The following MTHFD1L variants were observed in gnomAD, a reference collection of about 807,000 sequenced individuals.
MTHFD1L encodes the protein methylenetetrahydrofolate dehydrogenase (NADP+ dependent) 1 like, also known as monofunctional C1-tetrahydrofolate synthase, mitochondrial.
Under a neutral mutation model 119.5 loss-of-function variants are expected in MTHFD1L, and 81 were observed. The ratio of observed to expected loss-of-function variants is 0.68; its 90% CI spans 0.57 to 0.82. The LOEUF (loss-of-function observed/expected upper bound fraction) is 0.82, where lower values mean the gene tolerates loss of function less well. Among genes scored for constraint, MTHFD1L ranks in the 40% least tolerant of loss-of-function variants. The probability of loss-of-function intolerance (pLI) is 0.00; values close to 1 mark genes in which losing one functional copy is unlikely to be tolerated. For synonymous variants in MTHFD1L, 430 were observed against 475.2 expected (o/e 0.90, Z 1.24); for missense variants, 1,125 against 1,253.4 (o/e 0.90, Z 1.55).
At chr6:150,866,094 G>A (rs1244651556) in intron 1 of MTHFD1L, 45 bp downstream of exon 1, 3 of 1,478,598 alleles carry the variant, frequency 2.0e-6, no homozygotes, top group South Asian at 1.3e-5. Context: ...AGCGGCTGTG[G>A]CCCCGACCCA....
intron 21 of MTHFD1L, among the ~76,000 whole-genome samples, chr6:151,012,768 C>T (rs943025047): frequency 1.3e-5 from 2 of 152,156 alleles, no homozygotes; most frequent in Non-Finnish European, 2.9e-5. Flanking sequence ...CACATGATTA[C>T]AGAAGCTGGC....
intron 20 of MTHFD1L, among the ~76,000 whole-genome samples, chr6:150,979,078 G>A (rs34344387): frequency 0.45 from 67,779 of 151,528 alleles, 17,346 homozygotes; most frequent in African/African-American, 0.67. Flanking sequence ...TGTCTCTGCT[G>A]AAAATACAAA....
chr6:150,937,865 T>G (rs906328277), intron 12 of MTHFD1L, among the ~76,000 whole-genome samples: 2 of 152,216 alleles, frequency 1.3e-5, no homozygotes, highest in African/African-American at 4.8e-5. Flanking sequence ...ATGGGCGGTG[T>G]TGTTCTGCTT....
At chr6:151,017,213 C>G (rs1783218315) in intron 24 of MTHFD1L, among the ~76,000 whole-genome samples, 1 of 152,192 alleles carries the variant, frequency 6.6e-6, no homozygotes, top group Admixed American at 6.5e-5. Flanking sequence ...TCCCTACAGT[C>G]CCTGCCAGCT....
chr6:150,874,233 C>T (rs1486782000), intron 1 of MTHFD1L, among the ~76,000 whole-genome samples: 1 of 152,156 alleles, frequency 6.6e-6, no homozygotes, highest in East Asian at 1.9e-4. Context: ...ACAATTAATT[C>T]CCTGGGAATG....
chr6:151,076,086 A>G (rs11966517), intron 26 of MTHFD1L, among the ~76,000 whole-genome samples: 3,317 of 152,324 alleles, frequency 0.022, 138 homozygotes, highest in African/African-American at 0.075. Context: ...AAAAAGATTG[A>G]CCAGCTAAGC....
At chr6:150,955,402 T>C (rs1266313297) in intron 16 of MTHFD1L, among the ~76,000 whole-genome samples, 1 of 152,150 alleles carries the variant, frequency 6.6e-6, no homozygotes, top group African/African-American at 2.4e-5. Flanking sequence ...TTGACTATTT[T>C]GAATAGTGCT....
intron 24 of MTHFD1L, among the ~76,000 whole-genome samples, chr6:151,029,287 G>C (rs1584219332): frequency 6.6e-6 from 1 of 151,580 alleles, no homozygotes; most frequent in East Asian, 2.0e-4. Flanking sequence ...CAGGCGTGGT[G>C]GCGGGAGCCT....
chr6:151,034,642 A>G (rs770715412), intron 25 of MTHFD1L, 42 bp downstream of exon 25: 20 of 1,285,428 alleles, frequency 1.6e-5, no homozygotes, highest in Non-Finnish European at 2.1e-5. Flanking sequence ...AATTCACCTT[A>G]GGCTCTCAGA....
At chr6:151,078,413 G>GTGCT (rs1562635915) in intron 26 of MTHFD1L, among the ~76,000 whole-genome samples, 1 of 152,162 alleles carries the variant, frequency 6.6e-6, no homozygotes. Context: ...TTTTTCTGCT[G>GTGCT]CATAACAAAT....
chr6:150,992,063 T>G (rs1779128834), intron 20 of MTHFD1L, among the ~76,000 whole-genome samples: 1 of 152,216 alleles, frequency 6.6e-6, no homozygotes, highest in Non-Finnish European at 1.5e-5. Context: ...GGACTGTACT[T>G]TAAGATACTG....
chr6:150,922,048 T>C (rs1218375201), intron 9 of MTHFD1L, among the ~76,000 whole-genome samples, 157 bp from the exon 10 acceptor site: 1 of 152,242 alleles, frequency 6.6e-6, no homozygotes, highest in Non-Finnish European at 1.5e-5. Context: ...CAAACCTAGT[T>C]ACACGTGAAT....
intron 27 of MTHFD1L, chr6:151,099,538 A>C: frequency 6.2e-7 from 1 of 1,601,994 alleles, no homozygotes; most frequent in Non-Finnish European, 8.5e-7. Flanking sequence ...GGCCGCCCTC[A>C]GACCCCTTGT....
intron 11 of MTHFD1L, among the ~76,000 whole-genome samples, chr6:150,931,173 G>A (rs986524041): frequency 6.6e-6 from 1 of 151,992 alleles, no homozygotes; most frequent in African/African-American, 2.4e-5. Flanking sequence ...CCCTGAATTG[G>A]TTGGACAGAG....
intron 15 of MTHFD1L, among the ~76,000 whole-genome samples, chr6:150,947,855 G>A (rs1203374117): frequency 6.6e-6 from 1 of 152,150 alleles, no homozygotes; most frequent in Non-Finnish European, 1.5e-5. Flanking sequence ...GTCCACTGCA[G>A]GACATCTTCA....
At chr6:150,887,629 A>G (rs1234889379) in intron 6 of MTHFD1L, among the ~76,000 whole-genome samples, 1 of 152,014 alleles carries the variant, frequency 6.6e-6, no homozygotes, top group South Asian at 2.1e-4. Flanking sequence ...CTAATTTTCT[A>G]TATTTTTAGT....
intron 20 of MTHFD1L, among the ~76,000 whole-genome samples, chr6:150,973,942 G>A (rs1776157619): frequency 6.6e-6 from 1 of 152,172 alleles, no homozygotes; most frequent in Non-Finnish European, 1.5e-5. Context: ...TAATGAATAG[G>A]ATCAAGTGAG....
At chr6:150,869,409 T>A (rs921643636) in intron 1 of MTHFD1L, among the ~76,000 whole-genome samples, 4 of 152,168 alleles carry the variant, frequency 2.6e-5, no homozygotes, top group South Asian at 2.1e-4. Flanking sequence ...CTCCCACTTA[T>A]GAGTGAGAAC....
intron 10 of MTHFD1L, among the ~76,000 whole-genome samples, chr6:150,923,785 A>T (rs984290000): frequency 6.6e-6 from 1 of 151,782 alleles, no homozygotes; most frequent in Admixed American, 6.6e-5. Context: ...ACCCTCCTGG[A>T]CATGTTTTCA....
Sources: gnomAD v4.1 joint callset for allele counts (sites outside exome capture counted in the v4.1 genomes callset) on GRCh38, gnomAD v4.1.1 for gene constraint, MANE v1.5 for transcripts, NCBI Gene and HGNC (gene_info 2026-07-23, HGNC 2026-07-21) for gene names.